Variants in PPA2 observed in about 807,000 individuals in gnomAD.
PPA2 encodes the protein inorganic pyrophosphatase 2.
In PPA2, 48 loss-of-function variants were observed where a neutral mutation model predicts 49.5. The observed-to-expected ratio is 0.97, with a 90% confidence interval of 0.77 to 1.23. PPA2 has a LOEUF of 1.23. Ranked by LOEUF, PPA2 falls within the 50% of genes most tolerant of loss-of-function variation. The pLI is 0.00. For missense variants in PPA2, 429 were observed against 410.1 expected (o/e 1.05, Z -0.40); for synonymous variants, 131 against 139.9 (o/e 0.94, Z 0.45).
At chr4:105,401,773 G>A (rs890517835) in intron 7 of PPA2, among the ~76,000 whole-genome samples, 8 of 151,988 alleles carry the variant, frequency 5.3e-5, no homozygotes, top group East Asian at 3.9e-4. Context: ...TCTTTTAATC[G>A]AACTCTACTT....
At chr4:105,443,940 A>G (rs942990977) in intron 5 of PPA2, among the ~76,000 whole-genome samples, 1 of 152,162 alleles carries the variant, frequency 6.6e-6, no homozygotes. Flanking sequence ...CTCCCTGTCT[A>G]AATTGCAACA....
chr4:105,446,689 T>C (rs966755782), intron 4 of PPA2, among the ~76,000 whole-genome samples, 187 bp from the exon 5 acceptor site: 2 of 152,098 alleles, frequency 1.3e-5, no homozygotes, highest in Admixed American at 6.5e-5. Flanking sequence ...ATGAGAAAAA[T>C]TGTTTGGAAA....
chr4:105,406,005 C>A, intron 7 of PPA2: 1 of 218,584 alleles, frequency 4.6e-6, no homozygotes. Context: ...CCTATGCAAA[C>A]AAGAATTTTA....
chr4:105,386,109 G>A (rs536468435), intron 10 of PPA2, among the ~76,000 whole-genome samples: 12 of 151,878 alleles, frequency 7.9e-5, no homozygotes, highest in East Asian at 3.9e-4. Flanking sequence ...TCAAACTCCC[G>A]GCCTTAAGTA....
intron 1 of PPA2, among the ~76,000 whole-genome samples, chr4:105,464,698 A>G (rs1172661083): frequency 6.6e-6 from 1 of 152,164 alleles, no homozygotes; most frequent in Non-Finnish European, 1.5e-5. Context: ...TGATGATTAT[A>G]TACGGGGGAG....
In PPA2 at chr4:105,437,996, C is replaced by T. The variant is rs765643758; in HGVS notation, c.482G>A (p.Cys161Tyr). The change falls in exon 6 of 12, where the codon TGC (cysteine) becomes TAC (tyrosine). Residue 161 changes from cysteine to tyrosine, a missense_variant. Transcript: ENST00000341695. ...DPHEKDKSTN[C>Y]FGDNDPIDVC... Reference sequence around the variant, plus strand: ...ATCAATAGGATCATTATCTCCAAAGCAGTTCGTGCTCTTATCTTTTTCATG... The same window carrying T: ...ATCAATAGGATCATTATCTCCAAAGTAGTTCGTGCTCTTATCTTTTTCATG... The T allele has an allele frequency of 2.7e-5, 44 of 1,609,346 alleles. No individual in the cohort carries two copies. The highest frequency in any genetic ancestry group is 4.5e-5 in the South Asian group (4 of 89,774).
intron 7 of PPA2, among the ~76,000 whole-genome samples, chr4:105,410,930 G>T (rs1050162887): frequency 1.8e-4 from 27 of 152,170 alleles, no homozygotes; most frequent in Non-Finnish European, 3.5e-4. Context: ...AACATGGAAA[G>T]GAATAACCGG....
intron 10 of PPA2, among the ~76,000 whole-genome samples, chr4:105,373,792 CA>C (rs1336834692): frequency 2.6e-5 from 4 of 151,614 alleles, no homozygotes; most frequent in Admixed American, 1.3e-4. Flanking sequence ...CACACACACA[CA>C]CACCCCATCA....
At chr4:105,424,382 C>T (rs1723394156) in intron 6 of PPA2, 60 bp from the exon 7 acceptor site, 1 of 1,411,244 alleles carries the variant, frequency 7.1e-7, no homozygotes, top group Non-Finnish European at 9.4e-7. Flanking sequence ...TCACATATCA[C>T]AAAATCCATA....
intron 7 of PPA2, among the ~76,000 whole-genome samples, chr4:105,410,995 AAC>A (rs1294228018): frequency 2.0e-5 from 3 of 152,226 alleles, no homozygotes; most frequent in Non-Finnish European, 4.4e-5. Flanking sequence ...ACTATGAAGA[AAC>A]AGCATAAATT....
At chr4:105,434,562 G>T (rs1723959774) in intron 6 of PPA2, among the ~76,000 whole-genome samples, 1 of 152,160 alleles carries the variant, frequency 6.6e-6, no homozygotes, top group African/African-American at 2.4e-5. Context: ...AATATCAATA[G>T]TGTCAAAGTT....
At chr4:105,451,255 T>C (rs898427940) in intron 3 of PPA2, among the ~76,000 whole-genome samples, 1 of 152,176 alleles carries the variant, frequency 6.6e-6, no homozygotes, top group Admixed American at 6.5e-5. Context: ...TAGTGTAACA[T>C]GGAATGCTGT....
chr4:105,438,460 C>T (rs1040068862), intron 5 of PPA2, among the ~76,000 whole-genome samples: 4 of 152,158 alleles, frequency 2.6e-5, no homozygotes, highest in Admixed American at 1.3e-4. Flanking sequence ...ATCTAAATTA[C>T]TAAAAGGAAT....
intron 7 of PPA2, among the ~76,000 whole-genome samples, chr4:105,403,156 T>G (rs1162636442): frequency 1.3e-5 from 2 of 152,110 alleles, no homozygotes; most frequent in Non-Finnish European, 2.9e-5. Flanking sequence ...TCCAAGAAGC[T>G]AGGACTACAA....
In PPA2 at chr4:105,371,065, T is replaced by TA. The variant is rs11399157; in HGVS notation, c.940-193dup. On this transcript the variant is annotated intron_variant, in intron 10 of 11. Transcript: ENST00000341695. ...CTTTCAGATAAACAAACAACAGACT[T>TA]AGAGTAAAATAAAAATACTTGAAAA... Among the ~76,000 whole-genome samples, 2,434 of 152,268 alleles carry TA rather than the reference T, an allele frequency of 0.016. 59 individuals are homozygous for TA. Among genetic ancestry groups the TA allele is most frequent in the African/African-American group, 0.052 (2,143 of 41,560 alleles).
chr4:105,385,079 C>T (rs1182803775), intron 10 of PPA2, among the ~76,000 whole-genome samples: 1 of 152,160 alleles, frequency 6.6e-6, no homozygotes, highest in Non-Finnish European at 1.5e-5. Context: ...GCTCTTCCTT[C>T]GCTTGACCTT....
chr4:105,385,441 A>AC (rs548977735), intron 10 of PPA2, among the ~76,000 whole-genome samples: 74 of 152,196 alleles, frequency 4.9e-4, no homozygotes, highest in African/African-American at 1.7e-3. Flanking sequence ...AACAACAACA[A>AC]AAAAACAAAC....
At chr4:105,452,742 C>A (rs958904250) in intron 3 of PPA2, among the ~76,000 whole-genome samples, 1 of 152,092 alleles carries the variant, frequency 6.6e-6, no homozygotes, top group African/African-American at 2.4e-5. Flanking sequence ...AGCTGCCTGG[C>A]ATCAGAATCA....
In PPA2 at chr4:105,424,311, A is replaced by T; in HGVS notation, c.540T>A (p.Cys180Ter). Residue 180 changes from cysteine to a stop codon, truncating the protein, a stop_gained, in exon 7 of 12, where the codon TGT becomes TGA. Transcript: ENST00000341695. LOFTEE classifies it high-confidence loss of function. ...GGATCTTCACATGAATAACTTCTCC[A>T]CAAGAAAGAATCTTTAAAGAAAAAA... is the stretch of plus-strand genomic sequence containing the variant. ...VCEIGSKILS[C>*]GEVIHVKILG... The T allele has an allele frequency of 6.3e-7, 1 of 1,591,896 alleles. No homozygotes were observed. The highest frequency in any genetic ancestry group is 8.5e-7 in the Non-Finnish European group (1 of 1,174,624).
Sources: allele counts gnomAD v4.1 joint callset (sites outside exome capture counted in the v4.1 genomes callset), GRCh38; gene constraint gnomAD v4.1.1; transcripts MANE v1.5; gene names NCBI Gene and HGNC (gene_info 2026-07-23, HGNC 2026-07-21).